Variants in PDE4B observed in about 807,000 individuals in gnomAD.
PDE4B encodes the protein 3',5'-cyclic-AMP phosphodiesterase 4B.
Under a neutral mutation model 82.2 loss-of-function variants are expected in PDE4B, and 20 were observed. That is an observed-to-expected ratio of 0.24 (90% CI 0.17 to 0.35). The LOEUF is 0.35. PDE4B is among the 10% of genes least tolerant of loss of function. The pLI is 1.00. For missense variants in PDE4B, 655 were observed against 907.2 expected (o/e 0.72, Z 3.57); for synonymous variants, 320 against 318.9 (o/e 1.00, Z -0.04).
chr1:66,230,043 C>T (rs905829822), intron 3 of PDE4B, among the ~76,000 whole-genome samples: 1 of 152,174 alleles, frequency 6.6e-6, no homozygotes, highest in African/African-American at 2.4e-5. Flanking sequence ...TGGAGTCACT[C>T]TGAGTATTTC....
chr1:66,075,465 C>A (rs529051809), intron 3 of PDE4B, among the ~76,000 whole-genome samples: 4 of 152,118 alleles, frequency 2.6e-5, no homozygotes, highest in Admixed American at 2.0e-4. Context: ...GGTTTACATG[C>A]AGTTTGTGGA....
At chr1:66,182,745 CTAG>C (rs2101413166) in intron 3 of PDE4B, among the ~76,000 whole-genome samples, 1 of 152,232 alleles carries the variant, frequency 6.6e-6, no homozygotes, top group South Asian at 2.1e-4. Context: ...TCCAGGGTGT[CTAG>C]TAAACCTGCA....
chr1:65,794,552 T>G (rs1645609981), intron 1 of PDE4B, among the ~76,000 whole-genome samples: 1 of 152,170 alleles, frequency 6.6e-6, no homozygotes, highest in Non-Finnish European at 1.5e-5. Context: ...GTAAAGGAAG[T>G]TGAGCTTCTT....
chr1:65,871,761 T>C (rs1472845771), intron 1 of PDE4B, among the ~76,000 whole-genome samples: 2 of 152,168 alleles, frequency 1.3e-5, no homozygotes, highest in African/African-American at 4.8e-5. Flanking sequence ...GGCTGACTTG[T>C]GTGACAGTCC....
intron 1 of PDE4B, among the ~76,000 whole-genome samples, chr1:65,802,232 A>G (rs1174187935): frequency 1.3e-5 from 2 of 152,190 alleles, no homozygotes; most frequent in East Asian, 1.9e-4. Flanking sequence ...CGAGGAAACT[A>G]TGAAGGAATT....
chr1:66,277,966 A>G (rs1213445700), intron 7 of PDE4B, among the ~76,000 whole-genome samples: 2 of 152,194 alleles, frequency 1.3e-5, no homozygotes, highest in Non-Finnish European at 2.9e-5. Context: ...TAATAATAGA[A>G]CCTTCTGCAT....
At chr1:66,221,301 G>A (rs937095177) in intron 3 of PDE4B, among the ~76,000 whole-genome samples, 18 of 152,140 alleles carry the variant, frequency 1.2e-4, no homozygotes, top group African/African-American at 4.1e-4. Context: ...GACCTACCTC[G>A]GATCACATGC....
chr1:66,152,782 T>C (rs985570613), intron 3 of PDE4B, among the ~76,000 whole-genome samples: 4 of 151,932 alleles, frequency 2.6e-5, no homozygotes, highest in African/African-American at 4.8e-5. Flanking sequence ...TGTTGTAGTC[T>C]TGAGTCTGAA....
chr1:66,041,412 A>G (rs1351743044), intron 3 of PDE4B, among the ~76,000 whole-genome samples: 3 of 151,950 alleles, frequency 2.0e-5, no homozygotes, highest in Non-Finnish European at 4.4e-5. Flanking sequence ...TCGTTATAGT[A>G]GCCTCAAGTT....
At chr1:66,202,416 C>T (rs1649065997) in intron 3 of PDE4B, among the ~76,000 whole-genome samples, 1 of 152,100 alleles carries the variant, frequency 6.6e-6, no homozygotes, top group Non-Finnish European at 1.5e-5. Flanking sequence ...AACTTTCTGT[C>T]TCGTTGATCT....
At chr1:66,015,841 G>T (rs552043638) in intron 3 of PDE4B, among the ~76,000 whole-genome samples, 3 of 152,184 alleles carry the variant, frequency 2.0e-5, no homozygotes, top group Non-Finnish European at 4.4e-5. Flanking sequence ...TGGCAGGTGT[G>T]TAAAGCATTG....
chr1:66,002,185 A>T lies in PDE4B; in HGVS notation c.281+83350A>T, dbSNP rs1651902580. Among the ~76,000 whole-genome samples the T allele has an allele frequency of 2.0e-5, 3 of 151,162 alleles. No individual in the cohort carries two copies. The Admixed American group carries it at 2.0e-4, about 10-fold the overall frequency. ...TTTTAAATTTTCGTCATTCTAACAG[A>T]TAAGTAGTGGTAACTTACTGTGATT... On this transcript the variant is annotated intron_variant, in intron 3 of 16. Coordinates refer to ENST00000341517, the MANE Select transcript of PDE4B (RefSeq NM_002600.4).
intron 1 of PDE4B, among the ~76,000 whole-genome samples, chr1:65,802,882 TTAA>T (rs1294730254): frequency 6.6e-6 from 1 of 152,142 alleles, no homozygotes; most frequent in Non-Finnish European, 1.5e-5. Context: ...TCCTTCTACA[TTAA>T]TGATGACATA....
chr1:66,352,345 A>G (rs1661899276), intron 8 of PDE4B, among the ~76,000 whole-genome samples: 1 of 152,192 alleles, frequency 6.6e-6, no homozygotes, highest in South Asian at 2.1e-4. Context: ...GACTTGCATG[A>G]GTACACTGAT....
chr1:65,899,808 C>T (rs984250775), intron 1 of PDE4B, among the ~76,000 whole-genome samples: 2 of 151,878 alleles, frequency 1.3e-5, no homozygotes, highest in African/African-American at 4.8e-5. Flanking sequence ...TACGTTCTCA[C>T]TCATAAGCGG....
At chr1:65,884,441 G>A (rs1646748476) in intron 1 of PDE4B, among the ~76,000 whole-genome samples, 1 of 152,096 alleles carries the variant, frequency 6.6e-6, no homozygotes, top group South Asian at 2.1e-4. Flanking sequence ...GAGGCATCAT[G>A]CTACCTGACT....
chr1:66,057,350 A>G (rs1018027012), intron 3 of PDE4B, among the ~76,000 whole-genome samples: 1 of 152,158 alleles, frequency 6.6e-6, no homozygotes, highest in Non-Finnish European at 1.5e-5. Flanking sequence ...AGGAAATACT[A>G]AAAGAGTATT....
At chr1:65,911,645 A>C (rs1446288790) in intron 1 of PDE4B, among the ~76,000 whole-genome samples, 1 of 152,056 alleles carries the variant, frequency 6.6e-6, no homozygotes, top group Non-Finnish European at 1.5e-5. Flanking sequence ...AAAGTATTAA[A>C]ATTCTGCCTG....
intron 1 of PDE4B, among the ~76,000 whole-genome samples, chr1:65,886,244 A>G (rs1383541632): frequency 1.3e-5 from 2 of 152,012 alleles, no homozygotes; most frequent in Non-Finnish European, 2.9e-5. Context: ...TCATCTTTCA[A>G]TTTTCTAATT....
Sources: gnomAD v4.1 joint callset for allele counts (sites outside exome capture counted in the v4.1 genomes callset) on GRCh38, gnomAD v4.1.1 for gene constraint, MANE v1.5 for transcripts, NCBI Gene and HGNC (gene_info 2026-07-23, HGNC 2026-07-21) for gene names.